The following CNTNAP2 variants were observed in gnomAD, a reference collection of about 807,000 sequenced individuals.
The protein encoded by CNTNAP2 is contactin associated protein 2, also known as contactin-associated protein-like 2.
A neutral mutation model predicts 155.2 loss-of-function variants in CNTNAP2; 98 were observed. The observed-to-expected ratio is 0.63, with a 90% confidence interval of 0.54 to 0.75. The LOEUF (loss-of-function observed/expected upper bound fraction) is 0.75. Ranked by LOEUF, CNTNAP2 falls within the 30% of genes least tolerant of loss-of-function variation. The pLI, the probability that CNTNAP2 is intolerant of heterozygous loss-of-function variation, is 0.00. For missense variants in CNTNAP2, 1,727 were observed against 1,688.1 expected, an observed-to-expected ratio of 1.02 and a Z score of -0.40; for synonymous variants, 651 against 631.2, an observed-to-expected ratio of 1.03 and a Z score of -0.47.
At chr7:146,489,061 G>A (rs186075738) in intron 1 of CNTNAP2, among the ~76,000 whole-genome samples, 5 of 152,234 alleles carry the variant, frequency 3.3e-5, no homozygotes, top group East Asian at 3.9e-4. Context: ...ATTTGAAATC[G>A]CTAAAGTTAC....
chr7:146,739,918 T>G (rs1173057222), intron 1 of CNTNAP2, among the ~76,000 whole-genome samples: 1 of 152,150 alleles, frequency 6.6e-6, no homozygotes, highest in Non-Finnish European at 1.5e-5. Flanking sequence ...TTTTACAGTT[T>G]TTGACTTGGA....
At chr7:147,963,559 C>T (rs770498968) in intron 14 of CNTNAP2, among the ~76,000 whole-genome samples, 2 of 152,102 alleles carry the variant, frequency 1.3e-5, no homozygotes, top group African/African-American at 4.8e-5. Context: ...TAAACAGTCA[C>T]GTTGAGGAAC....
Position 146,127,478 on chromosome 7 carries a change from A to T in CNTNAP2, c.97+10505A>T, listed in dbSNP as rs142678173. ...GAAGGAAGGCGAGAAATATATTTTC[A>T]AAGAATAAACCACAAATATTTTCCT... On this transcript the variant is annotated intron_variant, in intron 1 of 23. Transcript: ENST00000361727. Among the ~76,000 whole-genome samples the T allele has an allele frequency of 5.5e-3, 833 of 152,360 alleles. 10 individuals are homozygous for T. Among genetic ancestry groups the T allele is most frequent in the African/African-American group, 0.019 (783 of 41,584 alleles).
chr7:147,235,552 C>T (rs1803782373), intron 8 of CNTNAP2, among the ~76,000 whole-genome samples: 1 of 152,082 alleles, frequency 6.6e-6, no homozygotes, highest in African/African-American at 2.4e-5. Context: ...CTAATCAGAT[C>T]TCACATTTAT....
chr7:146,841,722 A>G (rs1032073605), intron 3 of CNTNAP2, among the ~76,000 whole-genome samples: 1 of 152,184 alleles, frequency 6.6e-6, no homozygotes, highest in East Asian at 1.9e-4. Flanking sequence ...AGAGTGTTCA[A>G]ATCTCCTCTC....
chr7:147,763,473 C>T (rs527728256), intron 13 of CNTNAP2, among the ~76,000 whole-genome samples: 2 of 150,478 alleles, frequency 1.3e-5, no homozygotes, highest in East Asian at 3.9e-4. Flanking sequence ...AGCATCTTAG[C>T]AGGGCATGCC....
Position 148,267,285 on chromosome 7 carries a change from A to G in CNTNAP2, c.3475+159A>G, listed in dbSNP as rs13240892. On this transcript the variant is annotated intron_variant, in intron 21 of 23. Coordinates refer to ENST00000361727, the MANE Select transcript of CNTNAP2 (RefSeq NM_014141.6). ...TACGTGGTTGTTCTCGGTGTTGCAC[A>G]AGCAAAGCGTCAACAAATTATCTTT... 0.56 allele frequency among the ~76,000 whole-genome samples: 85,415 copies of G among 151,832 alleles called. 25,589 individuals are homozygous for G. Among genetic ancestry groups the G allele is most frequent in the South Asian group, 0.77 (3,719 of 4,808 alleles).
chr7:147,143,571 AT>A (rs1014560855), intron 8 of CNTNAP2, among the ~76,000 whole-genome samples: 1 of 152,078 alleles, frequency 6.6e-6, no homozygotes, highest in African/African-American at 2.4e-5. Flanking sequence ...CAGTTGATTG[AT>A]TTTTTTAATG....
intron 3 of CNTNAP2, among the ~76,000 whole-genome samples, chr7:147,029,190 C>T (rs1284745083): frequency 6.6e-6 from 1 of 151,936 alleles, no homozygotes; most frequent in African/African-American, 2.4e-5. Flanking sequence ...GTCTCCATCT[C>T]CTGACCTCAT....
chr7:146,509,617 C>T (rs112022798), intron 1 of CNTNAP2, among the ~76,000 whole-genome samples: 1,651 of 152,212 alleles, frequency 0.011, 12 homozygotes, highest in African/African-American at 0.024. Flanking sequence ...TCTTCCTCCT[C>T]GGTGTCAGAT....
At chr7:148,265,462 T>C (rs574796617) in intron 20 of CNTNAP2, among the ~76,000 whole-genome samples, 1 of 152,156 alleles carries the variant, frequency 6.6e-6, no homozygotes, top group Non-Finnish European at 1.5e-5. Flanking sequence ...TTTATAGAGA[T>C]AATGGTCTCA....
intron 13 of CNTNAP2, among the ~76,000 whole-genome samples, chr7:147,660,367 C>G (rs1795591028): frequency 6.6e-6 from 1 of 152,170 alleles, no homozygotes; most frequent in Non-Finnish European, 1.5e-5. Flanking sequence ...CTCTGATTTT[C>G]AGATTACTCT....
chr7:147,237,049 C>CTTTTTT (rs548220734), intron 8 of CNTNAP2, among the ~76,000 whole-genome samples: 7 of 57,484 alleles, frequency 1.2e-4, no homozygotes, highest in African/African-American at 3.4e-4. Context: ...TTCACCTCCT[C>CTTTTTT]TTTTTTTTTT....
intron 13 of CNTNAP2, among the ~76,000 whole-genome samples, chr7:147,700,625 A>G (rs551810504): frequency 6.6e-6 from 1 of 152,338 alleles, no homozygotes; most frequent in South Asian, 2.1e-4. Flanking sequence ...AAGAAATGAA[A>G]TCACAAGTAA....
intron 12 of CNTNAP2, among the ~76,000 whole-genome samples, chr7:147,563,455 C>A (rs1407230414): frequency 2.6e-5 from 4 of 151,862 alleles, no homozygotes; most frequent in East Asian, 3.9e-4. Flanking sequence ...ATGAGGAAAC[C>A]CTGTCTCTAC....
Position 148,329,331 on chromosome 7 carries a change from A to G in CNTNAP2, c.3476-54318A>G, listed in dbSNP as rs147900505. On this transcript the variant is annotated intron_variant, in intron 21 of 23. Coordinates refer to ENST00000361727, the MANE Select transcript of CNTNAP2 (RefSeq NM_014141.6). ...AGGCTCAAGAAAATGCCTAGAATGAAGTTCAGACCATCAAGAAGTCCCCGG... is the reference window on the plus strand; with the variant it reads ...AGGCTCAAGAAAATGCCTAGAATGAGGTTCAGACCATCAAGAAGTCCCCGG... Among the ~76,000 whole-genome samples the G allele has an allele frequency of 3.5e-3, 533 of 152,336 alleles. 1 individual carries two copies. Among genetic ancestry groups the G allele is most frequent in the African/African-American group, 0.012 (481 of 41,566 alleles).
At chr7:146,286,234 C>T (rs1274861569) in intron 1 of CNTNAP2, among the ~76,000 whole-genome samples, 3 of 151,358 alleles carry the variant, frequency 2.0e-5, no homozygotes, top group Non-Finnish European at 2.9e-5. Context: ...GAATTATCTG[C>T]TTTATCTGAG....
At position 146,894,244 on chromosome 7, in the gene CNTNAP2, G is replaced by A. The variant is rs1199154026; in HGVS notation, c.402+54340G>A. On this transcript the variant is annotated intron_variant, in intron 3 of 23. Transcript: ENST00000361727. ...CCTATGTTTCCAATGACATAGTAAT[G>A]CCTTAGAAATATTTCAGTGTTTTAG... 2.0e-5 allele frequency among the ~76,000 whole-genome samples: 3 copies of A among 152,132 alleles called. No individual in the cohort carries two copies. In the South Asian group the frequency reaches 6.2e-4, roughly 31 times the overall value.
intron 4 of CNTNAP2, among the ~76,000 whole-genome samples, chr7:147,095,113 G>T (rs954211420): frequency 6.6e-6 from 1 of 151,866 alleles, no homozygotes; most frequent in Admixed American, 6.6e-5. Flanking sequence ...TTCGTCTACC[G>T]GGTTCAAGCG....
Sources: gnomAD v4.1 joint callset for allele counts (sites outside exome capture counted in the v4.1 genomes callset) on GRCh38, gnomAD v4.1.1 for gene constraint, MANE v1.5 for transcripts, NCBI Gene and HGNC (gene_info 2026-07-23, HGNC 2026-07-21) for gene names.